MYLK: variants seen among roughly 807,000 people sequenced by gnomAD.
MYLK encodes the protein myosin light chain kinase, smooth muscle.
A neutral mutation model predicts 203.4 loss-of-function variants in MYLK; 106 were observed. The ratio of observed to expected loss-of-function variants is 0.52; its 90% CI spans 0.45 to 0.61. The LOEUF (loss-of-function observed/expected upper bound fraction) is 0.61, where lower values mean the gene tolerates loss of function less well. MYLK is among the 20% of genes least tolerant of loss of function. MYLK has a pLI of 0.00. For missense variants in MYLK, 2,072 were observed against 2,442.3 expected, an observed-to-expected ratio of 0.85 and a Z score of 3.20; for synonymous variants, 867 against 959.5, an observed-to-expected ratio of 0.90 and a Z score of 1.78.
intron 13 of MYLK, among the ~76,000 whole-genome samples, chr3:123,717,528 A>C (rs1416055799): frequency 6.6e-6 from 1 of 152,216 alleles, no homozygotes; most frequent in Non-Finnish European, 1.5e-5. Context: ...AACTATGTCA[A>C]ATGGGCACAA....
At chr3:123,668,110 G>A (rs146649580) in intron 20 of MYLK, among the ~76,000 whole-genome samples, 1 of 152,154 alleles carries the variant, frequency 6.6e-6, no homozygotes. Context: ...TCACAATATA[G>A]TGCACGTGCG....
intron 3 of MYLK, among the ~76,000 whole-genome samples, chr3:123,803,909 G>C (rs556859102): frequency 1.1e-4 from 17 of 152,354 alleles, no homozygotes; most frequent in Admixed American, 4.6e-4. Flanking sequence ...GATGAGGTCT[G>C]TCCAGAGAAG....
chr3:123,807,443 A>C (rs937423405), intron 3 of MYLK, among the ~76,000 whole-genome samples: 1 of 152,294 alleles, frequency 6.6e-6, no homozygotes, highest in East Asian at 1.9e-4. Flanking sequence ...CCAAAAAAAA[A>C]AAAGCTATGT....
intron 2 of MYLK, among the ~76,000 whole-genome samples, chr3:123,875,291 C>T (rs547992359): frequency 8.5e-5 from 13 of 152,204 alleles, no homozygotes; most frequent in East Asian, 5.8e-4. Context: ...GCAACAAAAA[C>T]GAATAACCTA....
At chr3:123,664,390 G>T in intron 22 of MYLK, 132 bp from the exon 23 acceptor site, 3 of 1,260,206 alleles carry the variant, frequency 2.4e-6, no homozygotes, top group Non-Finnish European at 3.4e-6. Flanking sequence ...GTCTGGTCTG[G>T]ACTCTGCCCT....
chr3:123,863,541 C>A (rs552396392), intron 2 of MYLK, among the ~76,000 whole-genome samples: 23 of 151,972 alleles, frequency 1.5e-4, no homozygotes, highest in African/African-American at 5.5e-4. Context: ...TTTAAATGGG[C>A]AAAATACTTG....
intron 4 of MYLK, among the ~76,000 whole-genome samples, chr3:123,790,032 T>C (rs1226390306): frequency 2.0e-5 from 3 of 152,194 alleles, no homozygotes; most frequent in Non-Finnish European, 4.4e-5. Flanking sequence ...AAAGATTGTA[T>C]CTGGGACAGG....
Position 123,629,810 on chromosome 3 carries a change from T to C in MYLK, c.4962-184A>G. On this transcript the variant is annotated intron_variant, in intron 29 of 33. Coordinates refer to ENST00000360304, the MANE Select transcript of MYLK (RefSeq NM_053025.4). The surrounding 1 kb of genome is among the most constrained non-coding windows in gnomAD (Gnocchi z 4.4). The stretch of plus-strand genomic sequence containing the variant: ...AAAGAGGGTGTGGTTCACAGCCCTG[T>C]CTTTTCTTGGTCACCTGCCTCTTGA... 1.6e-6 allele frequency: 1 copy of C among 631,502 alleles called. No individual in the cohort carries two copies. The highest frequency in any genetic ancestry group is 1.9e-5 in the South Asian group (1 of 51,648). The allele number at this position is 631,502 out of a possible 1,614,324, so 39.1% of individuals were successfully genotyped here. A position where few individuals can be genotyped will look rare whatever the true frequency, so the allele number is the denominator to read the frequency against.
intron 32 of MYLK, among the ~76,000 whole-genome samples, chr3:123,619,219 T>A (rs1394876262): frequency 1.3e-5 from 2 of 152,186 alleles, no homozygotes; most frequent in African/African-American, 4.8e-5. Flanking sequence ...TAGCTTCCAG[T>A]GGCTCTTTCT....
In MYLK at chr3:123,771,825, A is replaced by G. The variant is rs573521925; in HGVS notation, c.166-19287T>C. The stretch of plus-strand genomic sequence containing the variant: ...CATCTAACACAAGGCCTATTATATA[A>G]TACAACATTGAATATCTCATGTAAT... On this transcript the variant is annotated intron_variant, in intron 4 of 33. Coordinates refer to ENST00000360304, the MANE Select transcript of MYLK (RefSeq NM_053025.4). Among the ~76,000 whole-genome samples the G allele has an allele frequency of 2.0e-3, 302 of 152,356 alleles. 4 individuals are homozygous for G. The highest frequency in any genetic ancestry group is 0.01 in the Middle Eastern group (3 of 294).
At chr3:123,657,069 C>T (rs2059409696) in intron 24 of MYLK, 57 bp downstream of exon 24, 4 of 1,589,878 alleles carry the variant, frequency 2.5e-6, no homozygotes, top group Admixed American at 3.3e-5. Context: ...TCTTTACATA[C>T]ACAAGGTCAG....
chr3:123,786,610 T>C (rs1200077206), intron 4 of MYLK, among the ~76,000 whole-genome samples: 4 of 151,934 alleles, frequency 2.6e-5, no homozygotes, highest in Non-Finnish European at 1.5e-5. Flanking sequence ...ACAGGGTACC[T>C]ATAGTCAATA....
At chr3:123,655,123 G>T (rs1408466636) in intron 24 of MYLK, among the ~76,000 whole-genome samples, 2 of 152,006 alleles carry the variant, frequency 1.3e-5, no homozygotes, top group Non-Finnish European at 2.9e-5. Flanking sequence ...TCCTTAACCA[G>T]GGCAACCATC....
chr3:123,687,698 G>T (rs76728401), intron 19 of MYLK, among the ~76,000 whole-genome samples: 2 of 141,784 alleles, frequency 1.4e-5, no homozygotes, highest in Non-Finnish European at 3.0e-5. Context: ...TTTTGACAGG[G>T]TCTCCCTCTG....
chr3:123,619,380 G>A (rs929374235), intron 32 of MYLK, among the ~76,000 whole-genome samples: 5 of 152,202 alleles, frequency 3.3e-5, no homozygotes, highest in African/African-American at 4.8e-5. Context: ...AGTGGCTCAG[G>A]AGGGACCAGG....
chr3:123,702,894 G>A (rs539273850), intron 16 of MYLK, among the ~76,000 whole-genome samples: 12 of 152,276 alleles, frequency 7.9e-5, no homozygotes, highest in African/African-American at 2.9e-4. Context: ...CTAGTGGAGG[G>A]AGGGGTTGGG....
chr3:123,811,270 C>T (rs2065551113), intron 3 of MYLK, among the ~76,000 whole-genome samples: 1 of 152,122 alleles, frequency 6.6e-6, no homozygotes. Flanking sequence ...CAGGATCCTC[C>T]ATCAGCTGCA....
chr3:123,750,859 A>C (rs936168), intron 5 of MYLK, among the ~76,000 whole-genome samples: 136,584 of 152,222 alleles, frequency 0.9, 62,992 homozygotes, highest in East Asian at 1. Flanking sequence ...GCCCCAGCCA[A>C]AAGCACTCAA....
At chr3:123,644,355 G>A (rs915718099) in intron 27 of MYLK, 7 of 152,164 alleles carry the variant, frequency 4.6e-5, no homozygotes, top group African/African-American at 1.7e-4. Flanking sequence ...TACTCTTGGC[G>A]ACCTGGCCAA....
Sources: allele counts gnomAD v4.1 joint callset (sites outside exome capture counted in the v4.1 genomes callset), GRCh38; gene constraint gnomAD v4.1.1; non-coding constraint Gnocchi (gnomAD v3.1); transcripts MANE v1.5; gene names NCBI Gene and HGNC (gene_info 2026-07-23, HGNC 2026-07-21).